RBFOX1: variants seen among roughly 807,000 people sequenced by gnomAD.
RBFOX1 encodes the protein RNA binding protein fox-1 homolog 1.
In RBFOX1, 8 loss-of-function variants were observed where a neutral mutation model predicts 57.7. The observed-to-expected ratio is 0.14, with a 90% CI of 0.08 to 0.25. The LOEUF (loss-of-function observed/expected upper bound fraction) is 0.25, where lower values mean the gene tolerates loss of function less well. Among genes scored for constraint, RBFOX1 ranks in the 10% least tolerant of loss-of-function variants. The pLI is 1.00. For missense variants in RBFOX1, 611 were observed against 548.5 expected, an observed-to-expected ratio of 1.11 and a Z score of -1.14; for synonymous variants, 326 against 222.4, an observed-to-expected ratio of 1.47 and a Z score of -4.15.
intron 4 of RBFOX1, among the ~76,000 whole-genome samples, chr16:7,192,350 G>A (rs1000036667): frequency 1.3e-5 from 2 of 152,160 alleles, no homozygotes; most frequent in Non-Finnish European, 2.9e-5. Flanking sequence ...GTTGGGGTGA[G>A]AAATTGGCTG....
At chr16:6,836,453 G>A (rs939852686) in intron 3 of RBFOX1, among the ~76,000 whole-genome samples, 2 of 152,178 alleles carry the variant, frequency 1.3e-5, no homozygotes, top group African/African-American at 2.4e-5. Context: ...TGGGGATTCT[G>A]CTTAGCTCTG....
At chr16:5,776,600 G>T (rs1457961015) in intron 3 of RBFOX1, among the ~76,000 whole-genome samples, 1 of 152,228 alleles carries the variant, frequency 6.6e-6, no homozygotes, top group Non-Finnish European at 1.5e-5. Flanking sequence ...TATGAAGAAC[G>T]AATGTGGCAT....
chr16:6,812,957 AAAGG>A (rs1166426946), intron 3 of RBFOX1, among the ~76,000 whole-genome samples: 2 of 152,204 alleles, frequency 1.3e-5, no homozygotes, highest in Admixed American at 1.3e-4. Context: ...ATAGGGAAGT[AAAGG>A]AAGATGTTTA....
intron 2 of RBFOX1, among the ~76,000 whole-genome samples, chr16:6,524,174 C>T (rs1287788609): frequency 6.6e-6 from 1 of 152,192 alleles, no homozygotes; most frequent in Non-Finnish European, 1.5e-5. Context: ...GTAACCATCC[C>T]TGTACTCTCT....
intron 4 of RBFOX1, among the ~76,000 whole-genome samples, chr16:7,448,094 G>C (rs970931896): frequency 1.3e-5 from 2 of 152,220 alleles, no homozygotes; most frequent in Admixed American, 1.3e-4. Flanking sequence ...CTCTTAAGAT[G>C]CAGCATTTAC....
chr16:6,249,165 T>C (rs1038508125), intron 1 of RBFOX1, among the ~76,000 whole-genome samples: 2 of 152,028 alleles, frequency 1.3e-5, no homozygotes, highest in Admixed American at 6.6e-5. Flanking sequence ...AGGTAGCATA[T>C]GGGCAAAGAT....
At chr16:5,557,689 T>C (rs986680884) in intron 2 of RBFOX1, among the ~76,000 whole-genome samples, 5 of 152,154 alleles carry the variant, frequency 3.3e-5, no homozygotes, top group African/African-American at 9.7e-5. Context: ...AGGCTTGTGG[T>C]GCAGACAGGG....
At chr16:7,187,437 C>T (rs1024589565) in intron 4 of RBFOX1, among the ~76,000 whole-genome samples, 1 of 151,724 alleles carries the variant, frequency 6.6e-6, no homozygotes, top group Non-Finnish European at 1.5e-5. Flanking sequence ...CGCCTGTAAT[C>T]CCAGCACTTT....
At chr16:6,399,294 T>G (rs1222232177) in intron 2 of RBFOX1, among the ~76,000 whole-genome samples, 1 of 152,222 alleles carries the variant, frequency 6.6e-6, no homozygotes, top group African/African-American at 2.4e-5. Flanking sequence ...GTGTCTAACA[T>G]GCCCTGGAAA....
intron 1 of RBFOX1, among the ~76,000 whole-genome samples, chr16:5,252,731 G>A (rs1439596074): frequency 6.6e-6 from 1 of 152,240 alleles, no homozygotes; most frequent in African/African-American, 2.4e-5. Flanking sequence ...GAGCTCGGCT[G>A]CCCAGCCAGA....
At chr16:7,028,084 C>T (rs2041522715) in intron 3 of RBFOX1, among the ~76,000 whole-genome samples, 1 of 152,064 alleles carries the variant, frequency 6.6e-6, no homozygotes, top group South Asian at 2.1e-4. Context: ...CGTGGTTTCT[C>T]ATTTGCCTGT....
chr16:7,542,206 T>A (rs534097571), intron 5 of RBFOX1, among the ~76,000 whole-genome samples: 1 of 152,158 alleles, frequency 6.6e-6, no homozygotes, highest in Non-Finnish European at 1.5e-5. Context: ...CAGAGAGATA[T>A]ACACAGAGAA....
chr16:7,249,050 A>T (rs1215183858), intron 4 of RBFOX1, among the ~76,000 whole-genome samples: 1 of 152,072 alleles, frequency 6.6e-6, no homozygotes, highest in Admixed American at 6.6e-5. Flanking sequence ...TAATAGAGGG[A>T]GGGAAAAGTA....
intron 3 of RBFOX1, among the ~76,000 whole-genome samples, chr16:6,690,633 GC>G (rs2060069834): frequency 6.6e-6 from 1 of 152,078 alleles, no homozygotes. Flanking sequence ...TGATTCGTTG[GC>G]TGCTTAGGAA....
intron 3 of RBFOX1, among the ~76,000 whole-genome samples, chr16:6,929,726 T>C (rs1412322253): frequency 6.6e-6 from 1 of 152,214 alleles, no homozygotes; most frequent in East Asian, 1.9e-4. Context: ...AACACATTTA[T>C]TATTTATGAA....
Position 7,053,898 on chromosome 16 carries a change from T to C in RBFOX1, c.27+1800T>C, listed in dbSNP as rs2050978795. On this transcript the variant is annotated intron_variant, in intron 4 of 15. Coordinates refer to ENST00000550418, the MANE Select transcript of RBFOX1 (RefSeq NM_018723.4). ...TGAATTTATGTTTTGAATTGATAGA[T>C]GGCACATTTGATTGGATAGAGCACA... Among the ~76,000 whole-genome samples the C allele has an allele frequency of 2.0e-5, 3 of 152,136 alleles. No individual in the cohort carries two copies. In the South Asian group the frequency reaches 6.2e-4, roughly 31 times the overall value.
intron 1 of RBFOX1, among the ~76,000 whole-genome samples, chr16:5,396,057 C>T (rs1282780386): frequency 6.6e-6 from 1 of 152,192 alleles, no homozygotes; most frequent in African/African-American, 2.4e-5. Context: ...CATGCCTAGA[C>T]CTGTGACCTG....
intron 1 of RBFOX1, among the ~76,000 whole-genome samples, chr16:6,066,548 A>G (rs2095765972): frequency 1.3e-5 from 2 of 152,140 alleles, no homozygotes; most frequent in Admixed American, 1.3e-4. Context: ...ACGGTTGAGC[A>G]TGGATGCCAT....
At chr16:6,919,469 C>T (rs954958775) in intron 3 of RBFOX1, among the ~76,000 whole-genome samples, 2 of 151,322 alleles carry the variant, frequency 1.3e-5, no homozygotes, top group African/African-American at 4.9e-5. Flanking sequence ...TTTAAGTAAA[C>T]TTCTCAGCAT....
Sources: allele counts gnomAD v4.1 joint callset (sites outside exome capture counted in the v4.1 genomes callset), GRCh38; gene constraint gnomAD v4.1.1; transcripts MANE v1.5; gene names NCBI Gene and HGNC (gene_info 2026-07-23, HGNC 2026-07-21).